NLGN1: variants seen among roughly 807,000 people sequenced by gnomAD.
The protein encoded by NLGN1 is neuroligin 1.
In NLGN1, 12 loss-of-function variants were observed where a neutral mutation model predicts 65.5. The ratio of observed to expected loss-of-function variants is 0.18; its 90% CI spans 0.12 to 0.30. The LOEUF (loss-of-function observed/expected upper bound fraction) is 0.30, where lower values mean the gene tolerates loss of function less well. Among genes scored for constraint, NLGN1 ranks in the 10% least tolerant of loss-of-function variants. The pLI, the probability that NLGN1 is intolerant of heterozygous loss-of-function variation, is 1.00. For synonymous variants in NLGN1, 350 were observed against 359.5 expected (o/e 0.97, Z 0.30); for missense variants, 750 against 1,007.1 (o/e 0.74, Z 3.46).
chr3:174,267,332 T>C (rs1175591526), intron 4 of NLGN1, among the ~76,000 whole-genome samples: 3 of 152,144 alleles, frequency 2.0e-5, no homozygotes, highest in African/African-American at 7.2e-5. Context: ...AACAAGCCAT[T>C]CATGAAGGAT....
intron 3 of NLGN1, among the ~76,000 whole-genome samples, chr3:173,801,620 T>A (rs1412624939): frequency 6.6e-6 from 1 of 151,984 alleles, no homozygotes; most frequent in Non-Finnish European, 1.5e-5. Flanking sequence ...ACTTAAAAAT[T>A]ATATTTGGTG....
At chr3:173,812,724 A>G (rs1041867559) in intron 4 of NLGN1, among the ~76,000 whole-genome samples, 5 of 146,940 alleles carry the variant, frequency 3.4e-5, no homozygotes, top group African/African-American at 1.3e-4. Flanking sequence ...TTGTGTGTAT[A>G]TACACGCACA....
chr3:173,438,476 T>G (rs1450316308), intron 2 of NLGN1, among the ~76,000 whole-genome samples: 1 of 152,194 alleles, frequency 6.6e-6, no homozygotes, highest in Non-Finnish European at 1.5e-5. Context: ...CCCTGGATCC[T>G]GGGCTCACAG....
chr3:174,066,624 A>G (rs1479374000), intron 4 of NLGN1, among the ~76,000 whole-genome samples: 1 of 150,470 alleles, frequency 6.6e-6, no homozygotes, highest in East Asian at 2.0e-4. Context: ...TAGGTTATAG[A>G]TAGTTCCACT....
intron 4 of NLGN1, among the ~76,000 whole-genome samples, chr3:173,971,741 A>C (rs901579773): frequency 5.9e-5 from 9 of 152,076 alleles, no homozygotes; most frequent in African/African-American, 2.2e-4. Flanking sequence ...ACTGGTTCCT[A>C]ACTCATACCA....
chr3:173,853,088 G>A (rs184306084), intron 4 of NLGN1, among the ~76,000 whole-genome samples: 13 of 152,222 alleles, frequency 8.5e-5, no homozygotes, highest in Admixed American at 8.5e-4. Context: ...ACACTACTCT[G>A]TCTTTAAGAC....
chr3:174,082,384 G>A (rs1164414083), intron 4 of NLGN1, among the ~76,000 whole-genome samples: 1 of 151,978 alleles, frequency 6.6e-6, no homozygotes, highest in Non-Finnish European at 1.5e-5. Context: ...TTTAAATAGG[G>A]AGGGTAGATA....
rs1392347444 is a variant in NLGN1 at position 173,539,674 on chromosome 3, TATAAC to T, written c.-320-64601_-320-64597del. Among the ~76,000 whole-genome samples, 249 of 121,088 alleles carry T rather than the reference TATAAC, an allele frequency of 2.1e-3. 2 individuals are homozygous for T. Among genetic ancestry groups the T allele is most frequent in the African/African-American group, 0.01 (233 of 23,224 alleles). The allele number at this position is 121,088 out of a possible 152,430, so 79.4% of individuals were successfully genotyped here. ...TAACATATGTGTATATATGCACATA[TATAAC>T]ATACATATATGTACATATGCACATA... On this transcript the variant is annotated intron_variant, in intron 2 of 6. Transcript: ENST00000457714.
At chr3:174,172,524 C>T (rs891987253) in intron 4 of NLGN1, among the ~76,000 whole-genome samples, 1 of 152,020 alleles carries the variant, frequency 6.6e-6, no homozygotes, top group Non-Finnish European at 1.5e-5. Flanking sequence ...TAGTTTTATT[C>T]TTTTGCATAT....
At chr3:173,887,424 T>G (rs897350616) in intron 4 of NLGN1, among the ~76,000 whole-genome samples, 2 of 152,008 alleles carry the variant, frequency 1.3e-5, no homozygotes, top group African/African-American at 2.4e-5. Flanking sequence ...TTAGTGATCA[T>G]GAAAACAAAT....
intron 2 of NLGN1, among the ~76,000 whole-genome samples, chr3:173,470,968 C>T (rs1725220373): frequency 1.3e-5 from 2 of 152,004 alleles, no homozygotes; most frequent in Non-Finnish European, 2.9e-5. Context: ...GTGGAATCTG[C>T]ACTAAGGAAT....
intron 3 of NLGN1, among the ~76,000 whole-genome samples, chr3:173,643,973 C>T (rs1757816588): frequency 6.6e-6 from 1 of 152,178 alleles, no homozygotes; most frequent in African/African-American, 2.4e-5. Context: ...CACATGGAAG[C>T]TGCCAGTCCA....
At chr3:174,016,566 C>G (rs1424982796) in intron 4 of NLGN1, among the ~76,000 whole-genome samples, 3 of 152,122 alleles carry the variant, frequency 2.0e-5, no homozygotes, top group Non-Finnish European at 4.4e-5. Flanking sequence ...GTAGTAGCAT[C>G]AGGAGACAGG....
chr3:173,826,221 A>G (rs1721308341), intron 4 of NLGN1, among the ~76,000 whole-genome samples: 2 of 152,044 alleles, frequency 1.3e-5, no homozygotes, highest in African/African-American at 4.8e-5. Context: ...CTCTTGATCA[A>G]CTGTCCTCCA....
At chr3:173,730,241 T>C (rs528500496) in intron 3 of NLGN1, among the ~76,000 whole-genome samples, 1 of 151,210 alleles carries the variant, frequency 6.6e-6, no homozygotes, top group Admixed American at 6.6e-5. Flanking sequence ...GTAGGAAATA[T>C]CTTGTAGATA....
At chr3:174,194,813 C>T (rs1261891989) in intron 4 of NLGN1, among the ~76,000 whole-genome samples, 4 of 148,070 alleles carry the variant, frequency 2.7e-5, no homozygotes, top group Admixed American at 6.7e-5. Context: ...GGAAATGAGA[C>T]CCAGAAAGAA....
chr3:173,737,776 G>C (rs1003814738), intron 3 of NLGN1, among the ~76,000 whole-genome samples: 45 of 152,092 alleles, frequency 3.0e-4, no homozygotes, highest in African/African-American at 9.9e-4. Context: ...CTACTTAGAA[G>C]TAAAAGTGCT....
chr3:173,600,760 C>T (rs925118752), intron 2 of NLGN1, among the ~76,000 whole-genome samples: 4 of 151,522 alleles, frequency 2.6e-5, no homozygotes, highest in African/African-American at 9.7e-5. Flanking sequence ...ATGTCATAAG[C>T]TACTTGGGAG....
chr3:173,770,353 A>C (rs1389986035), intron 3 of NLGN1, among the ~76,000 whole-genome samples: 1 of 152,204 alleles, frequency 6.6e-6, no homozygotes, highest in Non-Finnish European at 1.5e-5. Context: ...TTACCTGCAC[A>C]GATAACGTTG....
Sources: gnomAD v4.1 joint callset for allele counts (sites outside exome capture counted in the v4.1 genomes callset) on GRCh38, gnomAD v4.1.1 for gene constraint, MANE v1.5 for transcripts, NCBI Gene and HGNC (gene_info 2026-07-23, HGNC 2026-07-21) for gene names.